The following ZNF385D variants were observed in gnomAD, a reference collection of about 807,000 sequenced individuals.
ZNF385D encodes zinc finger protein 385D.
Under a neutral mutation model 35.8 loss-of-function variants are expected in ZNF385D, and 15 were observed. That is an observed-to-expected ratio of 0.42 (90% CI 0.28 to 0.64). ZNF385D has a LOEUF of 0.64. Among genes scored for constraint, ZNF385D ranks in the 30% least tolerant of loss-of-function variants. The pLI is 0.23. For missense variants in ZNF385D, 474 were observed against 494.6 expected (o/e 0.96, Z 0.39); for synonymous variants, 212 against 186.8 (o/e 1.13, Z -1.10).
At chr3:21,442,975 T>G (rs1434096021) in intron 4 of ZNF385D, among the ~76,000 whole-genome samples, 1 of 151,680 alleles carries the variant, frequency 6.6e-6, no homozygotes, top group Non-Finnish European at 1.5e-5. Flanking sequence ...GTGGCTGTTT[T>G]TGTACACAGT....
At chr3:22,072,903 G>A (rs1165292311) in intron 3 of ZNF385D, among the ~76,000 whole-genome samples, 6 of 151,936 alleles carry the variant, frequency 3.9e-5, no homozygotes, top group African/African-American at 1.4e-4. Context: ...GAGATTCCCG[G>A]GAAGATTCAG....
intron 3 of ZNF385D, among the ~76,000 whole-genome samples, chr3:21,543,338 A>G (rs1485573457): frequency 1.3e-5 from 2 of 152,134 alleles, no homozygotes; most frequent in African/African-American, 4.8e-5. Flanking sequence ...CCTTGTTTCT[A>G]AGACTTTTCA....
intron 1 of ZNF385D, among the ~76,000 whole-genome samples, chr3:21,700,759 G>A (rs780333759): frequency 6.6e-6 from 1 of 152,174 alleles, no homozygotes; most frequent in East Asian, 1.9e-4. Context: ...AATCATGTTG[G>A]AATATTTAAG....
At chr3:21,463,434 G>A (rs1703311124) in intron 4 of ZNF385D, among the ~76,000 whole-genome samples, 1 of 152,206 alleles carries the variant, frequency 6.6e-6, no homozygotes, top group South Asian at 2.1e-4. Flanking sequence ...TAGAGAGCAT[G>A]CACAGTGGCA....
intron 1 of ZNF385D, among the ~76,000 whole-genome samples, chr3:21,740,838 C>T (rs1321799621): frequency 6.6e-6 from 1 of 152,154 alleles, no homozygotes. Context: ...TTCTGGCTGT[C>T]CTTCATAATT....
chr3:21,583,875 T>C (rs992348016), intron 2 of ZNF385D, among the ~76,000 whole-genome samples: 5 of 150,938 alleles, frequency 3.3e-5, no homozygotes, highest in South Asian at 2.1e-4. Flanking sequence ...CCTGAAGTTA[T>C]TCAATTTTTT....
At chr3:22,309,524 A>T (rs1703420723) in intron 2 of ZNF385D, among the ~76,000 whole-genome samples, 3 of 152,114 alleles carry the variant, frequency 2.0e-5, no homozygotes, top group African/African-American at 7.2e-5. Flanking sequence ...TATTCTATTC[A>T]ACTATTTAAA....
intron 1 of ZNF385D, among the ~76,000 whole-genome samples, chr3:21,671,614 C>T (rs1388442701): frequency 6.6e-6 from 1 of 152,056 alleles, no homozygotes; most frequent in African/African-American, 2.4e-5. Flanking sequence ...TTTTAATGCA[C>T]TGATACAAAT....
intron 3 of ZNF385D, chr3:21,979,713 G>C (rs555286625): frequency 6.6e-6 from 1 of 152,296 alleles, no homozygotes; most frequent in Non-Finnish European, 1.5e-5. Context: ...AAAGAGAGAA[G>C]AATGAGGTCT....
chr3:21,703,277 T>A (rs2067762457), intron 1 of ZNF385D, among the ~76,000 whole-genome samples: 1 of 151,990 alleles, frequency 6.6e-6, no homozygotes, highest in Admixed American at 6.6e-5. Flanking sequence ...GATAAAACCA[T>A]CAGATCCATG....
In ZNF385D at chr3:21,465,323, T is replaced by TAG. The variant is rs1435841583; in HGVS notation, c.440-28121_440-28120insCT. On this transcript the variant is annotated intron_variant, in intron 4 of 7. Transcript: ENST00000281523. The surrounding 1 kb of genome is among the most constrained non-coding windows in gnomAD (Gnocchi z 4.2). Reference sequence around the variant, plus strand: ...TGCAAAACACACTAATTTTTAAAGGTTGTTCTCATCACTGAATATTTTGGT... The same window carrying TAG: ...TGCAAAACACACTAATTTTTAAAGGTAGTGTTCTCATCACTGAATATTTTGGT... Among the ~76,000 whole-genome samples, 3 of 152,190 alleles carry TAG rather than the reference T, an allele frequency of 2.0e-5. No individual in the cohort carries two copies. The highest frequency in any genetic ancestry group is 7.2e-5 in the African/African-American group (3 of 41,454).
intron 1 of ZNF385D, among the ~76,000 whole-genome samples, chr3:21,675,593 A>G (rs1023800191): frequency 3.9e-5 from 6 of 152,098 alleles, no homozygotes; most frequent in Admixed American, 1.3e-4. Flanking sequence ...GAAAGGTGGT[A>G]GAGAAAAAAT....
At chr3:21,913,246 C>G (rs1485461950) in intron 3 of ZNF385D, among the ~76,000 whole-genome samples, 2 of 152,094 alleles carry the variant, frequency 1.3e-5, no homozygotes, top group East Asian at 3.9e-4. Context: ...CCATGCAGTG[C>G]TGCAATGCGT....
At chr3:22,226,345 A>AG (rs1400162926) in intron 2 of ZNF385D, among the ~76,000 whole-genome samples, 5 of 152,098 alleles carry the variant, frequency 3.3e-5, no homozygotes, top group African/African-American at 9.7e-5. Flanking sequence ...AGTCATAAAC[A>AG]GACAATGGGA....
chr3:21,605,328 G>C (rs1411772470), intron 2 of ZNF385D, among the ~76,000 whole-genome samples: 1 of 152,184 alleles, frequency 6.6e-6, no homozygotes, highest in African/African-American at 2.4e-5. Flanking sequence ...CAACCCTCCT[G>C]AGTTAGGCAC....
At chr3:21,975,896 T>C (rs1441726178) in intron 3 of ZNF385D, among the ~76,000 whole-genome samples, 1 of 151,938 alleles carries the variant, frequency 6.6e-6, no homozygotes, top group Non-Finnish European at 1.5e-5. Context: ...CAGGACAAGA[T>C]GCAAACGAGC....
At chr3:21,681,298 TAAAAAAAAAAAAAAA>T (rs55872870) in intron 1 of ZNF385D, among the ~76,000 whole-genome samples, 1 of 64,486 alleles carries the variant, frequency 1.6e-5, no homozygotes, top group Non-Finnish European at 2.8e-5. Flanking sequence ...ATTCCATCAG[TAAAAAAAAAAAAAAA>T]AAAAAAAAAA....
intron 3 of ZNF385D, among the ~76,000 whole-genome samples, chr3:21,975,700 GAAATATAT>G (rs2125353192): frequency 1.0e-5 from 1 of 95,346 alleles, no homozygotes; most frequent in East Asian, 3.8e-4. Context: ...ATGTACCCAC[GAAATATAT>G]ATATATATAT....
chr3:21,479,599 G>A (rs1343833196), intron 4 of ZNF385D, among the ~76,000 whole-genome samples: 1 of 152,118 alleles, frequency 6.6e-6, no homozygotes, highest in Non-Finnish European at 1.5e-5. Context: ...TATAAGAAAA[G>A]CACTTCCAAT....
Sources: gnomAD v4.1 joint callset for allele counts (sites outside exome capture counted in the v4.1 genomes callset) on GRCh38, gnomAD v4.1.1 for gene constraint, Gnocchi (gnomAD v3.1) non-coding constraint, MANE v1.5 for transcripts, NCBI Gene and HGNC (gene_info 2026-07-23, HGNC 2026-07-21) for gene names.